GMDS: variants seen among roughly 807,000 people sequenced by gnomAD.
GMDS encodes the protein GDP-mannose 4,6-dehydratase, also known as GDP-mannose 4,6 dehydratase.
GMDS carries 20 observed loss-of-function variants against 49.9 expected under a neutral mutation model. That is an observed-to-expected ratio of 0.40 (90% confidence interval 0.28 to 0.58). The LOEUF is 0.58. Among genes scored for constraint, GMDS ranks in the 20% least tolerant of loss-of-function variants. GMDS has a pLI of 0.42. For synonymous variants in GMDS, 177 were observed against 178.6 expected (o/e 0.99, Z 0.07); for missense variants, 362 against 481.4 (o/e 0.75, Z 2.32).
intron 7 of GMDS, among the ~76,000 whole-genome samples, chr6:1,858,968 G>A (rs562283041): frequency 1.3e-5 from 2 of 151,724 alleles, no homozygotes; most frequent in South Asian, 2.1e-4. Context: ...TGTGTTTTGG[G>A]GGGGGCAGGC....
chr6:2,043,305 G>A (rs1387347560), intron 4 of GMDS: 15 of 152,226 alleles, frequency 9.9e-5, no homozygotes, highest in Admixed American at 9.2e-4. Context: ...TACTATTCAA[G>A]CAATCTTGTA....
At chr6:1,754,412 A>G (rs901856147) in intron 7 of GMDS, among the ~76,000 whole-genome samples, 1 of 152,220 alleles carries the variant, frequency 6.6e-6, no homozygotes, top group Non-Finnish European at 1.5e-5. Context: ...AAAAAAGTCC[A>G]GGACCAGATG....
intron 4 of GMDS, among the ~76,000 whole-genome samples, chr6:2,010,887 T>C (rs1347520790): frequency 1.3e-5 from 2 of 152,168 alleles, no homozygotes; most frequent in Non-Finnish European, 2.9e-5. Context: ...GTCAACCTCT[T>C]ACATTATATG....
intron 4 of GMDS, among the ~76,000 whole-genome samples, chr6:2,114,379 C>G (rs1363017797): frequency 6.6e-6 from 1 of 152,014 alleles, no homozygotes; most frequent in African/African-American, 2.4e-5. Flanking sequence ...CTGACTACCT[C>G]AATTAGGGAA....
At chr6:1,900,728 C>T (rs1010890978) in intron 7 of GMDS, among the ~76,000 whole-genome samples, 1 of 152,196 alleles carries the variant, frequency 6.6e-6, no homozygotes, top group South Asian at 2.1e-4. Flanking sequence ...GGTCATTTTA[C>T]TTCATTCTGG....
intron 7 of GMDS, among the ~76,000 whole-genome samples, chr6:1,920,627 G>C (rs1044741562): frequency 6.6e-6 from 1 of 152,234 alleles, no homozygotes; most frequent in African/African-American, 2.4e-5. Context: ...CATCTTGTGA[G>C]AGATATTTAC....
At chr6:2,124,434 C>T (rs1394716695) in intron 2 of GMDS, among the ~76,000 whole-genome samples, 2 of 152,190 alleles carry the variant, frequency 1.3e-5, no homozygotes, top group South Asian at 2.1e-4. Context: ...GCTGCGTTAT[C>T]GGAGAATGTG....
At chr6:1,988,233 T>C (rs909707524) in intron 4 of GMDS, among the ~76,000 whole-genome samples, 2 of 152,200 alleles carry the variant, frequency 1.3e-5, no homozygotes, top group East Asian at 3.8e-4. Context: ...TCTAAGAGTA[T>C]ATTTTCATGA....
intron 2 of GMDS, among the ~76,000 whole-genome samples, chr6:2,123,335 T>C (rs1775245102): frequency 6.6e-6 from 1 of 152,194 alleles, no homozygotes; most frequent in Non-Finnish European, 1.5e-5. Flanking sequence ...ATCGCAACAC[T>C]TGCGTGGTTT....
intron 7 of GMDS, among the ~76,000 whole-genome samples, chr6:1,916,123 G>A (rs1325487875): frequency 1.3e-5 from 2 of 152,178 alleles, no homozygotes; most frequent in Non-Finnish European, 2.9e-5. Context: ...ATACAATCAT[G>A]GTTTTTACGT....
intron 9 of GMDS, among the ~76,000 whole-genome samples, chr6:1,646,557 TG>T: frequency 6.6e-6 from 1 of 152,228 alleles, no homozygotes; most frequent in Non-Finnish European, 1.5e-5. Flanking sequence ...AATTGTGTTA[TG>T]TTTTTTTTAG....
Position 1,676,210 on chromosome 6 carries a change from G to A in GMDS, c.987+50206C>T, listed in dbSNP as rs529857867. Among the ~76,000 whole-genome samples the A allele has an allele frequency of 3.9e-5, 6 of 152,206 alleles. No individual in the cohort carries two copies. The South Asian group carries it at 6.2e-4, about 16-fold the overall frequency. On this transcript the variant is annotated intron_variant, in intron 9 of 10. Transcript: ENST00000380815. The stretch of plus-strand genomic sequence containing the variant: ...GCTTCAAAGAGAATAAAATACTTAG[G>A]AATCCAACTTACAAGGAATGTGAAG...
At chr6:1,810,646 G>A (rs1326916837) in intron 7 of GMDS, among the ~76,000 whole-genome samples, 1 of 152,074 alleles carries the variant, frequency 6.6e-6, no homozygotes, top group East Asian at 1.9e-4. Context: ...AGCCTGATCT[G>A]CCAGGGAACA....
chr6:1,928,583 C>T (rs978667795), intron 7 of GMDS, among the ~76,000 whole-genome samples: 1 of 152,092 alleles, frequency 6.6e-6, no homozygotes, highest in African/African-American at 2.4e-5. Context: ...TAAGCGTGAA[C>T]CTATATATTT....
At chr6:1,853,397 A>G (rs187860987) in intron 7 of GMDS, among the ~76,000 whole-genome samples, 6 of 146,698 alleles carry the variant, frequency 4.1e-5, no homozygotes, top group South Asian at 2.1e-4. Flanking sequence ...GGGCGCCTGT[A>G]GTCCCAGCTA....
chr6:2,197,393 G>C (rs1779320655), intron 1 of GMDS, among the ~76,000 whole-genome samples: 1 of 152,212 alleles, frequency 6.6e-6, no homozygotes, highest in Non-Finnish European at 1.5e-5. Context: ...GAGGAAGGTA[G>C]ATAGTTTCAG....
intron 7 of GMDS, among the ~76,000 whole-genome samples, chr6:1,745,308 C>G (rs1402417133): frequency 6.6e-6 from 1 of 151,530 alleles, no homozygotes; most frequent in Admixed American, 6.6e-5. Flanking sequence ...AAAGGAGAAA[C>G]TTGACTGTTG....
At chr6:2,098,054 ATAT>A (rs936668804) in intron 4 of GMDS, among the ~76,000 whole-genome samples, 3 of 151,690 alleles carry the variant, frequency 2.0e-5, no homozygotes, top group African/African-American at 4.8e-5. Context: ...ATTACACATA[ATAT>A]TATTATTATT....
At chr6:2,156,189 G>A (rs780686804) in intron 1 of GMDS, among the ~76,000 whole-genome samples, 11 of 151,878 alleles carry the variant, frequency 7.2e-5, no homozygotes, top group Non-Finnish European at 1.3e-4. Flanking sequence ...ATTATAGAGC[G>A]TCTTGAAAAG....
Sources: gnomAD v4.1 joint callset for allele counts (sites outside exome capture counted in the v4.1 genomes callset) on GRCh38, gnomAD v4.1.1 for gene constraint, MANE v1.5 for transcripts, NCBI Gene and HGNC (gene_info 2026-07-23, HGNC 2026-07-21) for gene names.